Variants in SARS1 observed in about 807,000 individuals in gnomAD.
SARS1 encodes the protein seryl-tRNA synthetase 1.
Under a neutral mutation model 63.7 loss-of-function variants are expected in SARS1, and 25 were observed. The ratio of observed to expected loss-of-function variants is 0.39; its 90% confidence interval spans 0.29 to 0.55. The LOEUF is 0.55. SARS1 is among the 20% of genes least tolerant of loss of function. SARS1 has a pLI of 0.62. For missense variants in SARS1, 417 were observed against 649.7 expected (o/e 0.64, Z 3.89); for synonymous variants, 231 against 243.5 (o/e 0.95, Z 0.48).
Position 109,237,499 on chromosome 1 carries a change from C to G in SARS1, c.1387+126C>G. 6.9e-7 allele frequency: 1 copy of G among 1,442,162 alleles called. No homozygotes were observed. Among genetic ancestry groups the G allele is most frequent in the Non-Finnish European group, 9.5e-7 (1 of 1,049,612 alleles). The allele number at this position is 1,442,162 out of a possible 1,614,324, so 89.3% of individuals were successfully genotyped here. On this transcript the variant is annotated intron_variant, in intron 10 of 10. Coordinates refer to ENST00000234677, the MANE Select transcript of SARS1 (RefSeq NM_006513.4). This position sits in a 1 kb window ranked among gnomAD's most constrained non-coding sequence, Gnocchi z 4.1. ...CACAGCCCCTGAAACTCTGTCTGCC[C>G]TCTCGGGCTGGGCAGGGCAGGGGGC...
At chr1:109,236,359 CCTT>C (rs779541277) in intron 8 of SARS1, 29 bp from the exon 9 acceptor site, 127 of 1,571,912 alleles carry the variant, frequency 8.1e-5, no homozygotes, top group Non-Finnish European at 1.0e-4. Flanking sequence ...TACCATCCCT[CCTT>C]CATGAATTCT....
At chr1:109,226,697 TACACACACACAC>T (rs369144830) in intron 2 of SARS1, among the ~76,000 whole-genome samples, 2 of 104,150 alleles carry the variant, frequency 1.9e-5, no homozygotes, top group African/African-American at 7.6e-5. Flanking sequence ...TATATATATA[TACACACACACAC>T]ACACACACAC....
chr1:109,230,943 G>A lies in SARS1; in HGVS notation c.513G>A (p.Val171=), dbSNP rs759600716. 6.3e-7 allele frequency: 1 copy of A among 1,590,854 alleles called. No homozygotes were observed. The highest frequency in any genetic ancestry group is 8.6e-7 in the Non-Finnish European group (1 of 1,168,646). The change falls in exon 5 of 11, where the codon GTG becomes GTA. Residue 171 remains valine, a synonymous_variant. Transcript: ENST00000234677. ...DCTVRKKYSH[V]DLVVMVDGFE... The stretch of plus-strand genomic sequence containing the variant: ...CAGTCAGGAAGAAGTACTCTCATGT[G>A]GACCTGGTGGTGATGGTAGATGGCT...
chr1:109,232,125 C>A (rs775132601), intron 6 of SARS1, among the ~76,000 whole-genome samples: 3 of 152,120 alleles, frequency 2.0e-5, no homozygotes, highest in Non-Finnish European at 4.4e-5. Flanking sequence ...GGTGCTTGGA[C>A]AAAAGGAAAT....
rs1570765448 is a variant in SARS1 at position 109,237,537 on chromosome 1, G to A, written c.1387+164G>A. Among the ~76,000 whole-genome samples, 1 of 152,228 alleles carries A rather than the reference G, an allele frequency of 6.6e-6. No homozygotes were observed. Among genetic ancestry groups the A allele is most frequent in the Non-Finnish European group, 1.5e-5 (1 of 68,048 alleles). ...CAGGGCAGGGGGCCTGGTTGAGAAA[G>A]TAGCCAGTGCAGGTATGATGTTGAA... On this transcript the variant is annotated intron_variant, in intron 10 of 10. Transcript: ENST00000234677. The surrounding 1 kb of genome is among the most constrained non-coding windows in gnomAD (Gnocchi z 4.1).
rs1451669373 is a variant in SARS1, at chr1:109,236,516, C to T, written c.1225C>T (p.Arg409Ter). Residue 409 changes from arginine to a stop codon, truncating the protein, a stop_gained, in exon 9 of 11, where the codon CGA becomes TGA. Coordinates refer to ENST00000234677, the MANE Select transcript of SARS1 (RefSeq NM_006513.4). LOFTEE classifies it high-confidence loss of function. ...TTACCAGGCTCGCCGGCTTCGAATCCGATATGGGCAAACCAAGAAGATGAT... is the reference window on the plus strand; with the variant it reads ...TTACCAGGCTCGCCGGCTTCGAATCTGATATGGGCAAACCAAGAAGATGAT... ...TDYQARRLRI[R>*]YGQTKKMMDK... 3.1e-6 allele frequency: 5 copies of T among 1,605,730 alleles called. No homozygotes were observed. Among genetic ancestry groups the T allele is most frequent in the East Asian group, 2.2e-5 (1 of 44,574 alleles).
At position 109,236,175 on chromosome 1, in the gene SARS1, T is replaced by C. The variant is rs1253519299; in HGVS notation, c.1099+69T>C. 11 of 1,538,566 alleles carry C rather than the reference T, an allele frequency of 7.1e-6. No individual in the cohort carries two copies. In the East Asian group the frequency reaches 2.0e-4, roughly 28 times the overall value. On this transcript the variant is annotated intron_variant, in intron 8 of 10. Transcript: ENST00000234677. ...CAGACGCCACCCTTACCAGCTGAGC[T>C]GCCACACAGAGAAACAGCTCACAAT... is the stretch of plus-strand genomic sequence containing the variant.
rs777650858 is a variant in SARS1, at chr1:109,219,280, T to TATATATATATATATATATAC, written c.137-4689_137-4688insTATATATATACATATATATA. 2.8e-4 allele frequency among the ~76,000 whole-genome samples: 17 copies of TATATATATATATATATATAC among 61,128 alleles called. 1 individual carries two copies. The East Asian group carries it at 0.017, about 60-fold the overall frequency. The allele number at this position is 61,128 out of a possible 152,430, so 40.1% of individuals were successfully genotyped here. A position where few individuals can be genotyped will look rare whatever the true frequency, so the allele number is the denominator to read the frequency against. ...GACTCTCCATATATATATATATATATATATATATAGTGTACATATACAGTA... is the reference window on the plus strand; with the variant it reads ...GACTCTCCATATATATATATATATATATATATATATATATATATACATATATATAGTGTACATATACAGTA... On this transcript the variant is annotated intron_variant, in intron 1 of 10. Coordinates refer to ENST00000234677, the MANE Select transcript of SARS1 (RefSeq NM_006513.4).
intron 9 of SARS1, chr1:109,236,966 T>A: frequency 6.8e-7 from 1 of 1,465,400 alleles, no homozygotes; most frequent in Non-Finnish European, 9.0e-7. Context: ...AAGGCCACAA[T>A]AGTAGTTTCT....
At chr1:109,234,910 G>A (rs1655278610) in intron 6 of SARS1, among the ~76,000 whole-genome samples, 1 of 152,200 alleles carries the variant, frequency 6.6e-6, no homozygotes, top group African/African-American at 2.4e-5. Flanking sequence ...AGGTTGCAGT[G>A]AGCCGAGATT....
At chr1:109,215,583 A>T in intron 1 of SARS1, 1 of 984,996 alleles carries the variant, frequency 1.0e-6, no homozygotes, top group Non-Finnish European at 1.2e-6. Context: ...AAGGTTTGTT[A>T]GAGGCGTGAA....
At chr1:109,225,396 G>A (rs989914780) in intron 2 of SARS1, among the ~76,000 whole-genome samples, 8 of 152,042 alleles carry the variant, frequency 5.3e-5, no homozygotes, top group African/African-American at 1.5e-4. Flanking sequence ...TTAGTCATTC[G>A]CATACTAGAG....
chr1:109,214,761 G>C lies in SARS1; in HGVS notation c.136+633G>C, dbSNP rs941858634. On this transcript the variant is annotated intron_variant, in intron 1 of 10. Coordinates refer to ENST00000234677, the MANE Select transcript of SARS1 (RefSeq NM_006513.4). This position sits in a 1 kb window ranked among gnomAD's most constrained non-coding sequence, Gnocchi z 4.6. ...TCAAACGCGAGGGGAGTGAGGAGGC[G>C]AGCAAAAGATTGTAATGACTGAAGC... 8.1e-6 allele frequency: 8 copies of C among 985,334 alleles called. No individual in the cohort carries two copies. The allele number at this position is 985,334 out of a possible 1,614,324, so 61.0% of individuals were successfully genotyped here.
chr1:109,218,193 C>CA (rs35069915), intron 1 of SARS1, among the ~76,000 whole-genome samples: 213 of 39,652 alleles, frequency 5.4e-3, no homozygotes, highest in African/African-American at 0.017. Context: ...ACTCTGTCTC[C>CA]AAAAAAAAAA....
Position 109,213,978 on chromosome 1 carries a change from C to T in SARS1, c.-15C>T, listed in dbSNP as rs1465266536. The T allele has an allele frequency of 1.9e-6, 3 of 1,604,498 alleles. No homozygotes were observed. Among genetic ancestry groups the T allele is most frequent in the South Asian group, 1.1e-5 (1 of 90,320 alleles). On this transcript the variant is annotated 5_prime_UTR_variant, in exon 1 of 11. Transcript: ENST00000234677. ...GATCCTTGCTTCCCTGAGCGTTGGCCCGGGAGGAAAGAAGATGGTGCTGGA... is the reference window on the plus strand; with the variant it reads ...GATCCTTGCTTCCCTGAGCGTTGGCTCGGGAGGAAAGAAGATGGTGCTGGA...
intron 4 of SARS1, among the ~76,000 whole-genome samples, chr1:109,230,037 A>G (rs1655174986): frequency 6.6e-6 from 1 of 152,050 alleles, no homozygotes; most frequent in Non-Finnish European, 1.5e-5. Flanking sequence ...TGCCTCTTTC[A>G]TTCATTCCCT....
Position 109,237,049 on chromosome 1 carries a change from C to A in SARS1, c.1258-195C>A. The A allele has an allele frequency of 8.1e-7, 1 of 1,231,002 alleles. No homozygotes were observed. Among genetic ancestry groups the A allele is most frequent in the Non-Finnish European group, 1.1e-6 (1 of 905,236 alleles). 76.3% of individuals were successfully genotyped at this position (1,231,002 alleles called of 1,614,324 possible). The stretch of plus-strand genomic sequence containing the variant: ...TGTCACTCATCGAAACATGAGGGAT[C>A]TTTCTGCAGTTATCTAATAGGCAAT... On this transcript the variant is annotated intron_variant, in intron 9 of 10. Coordinates refer to ENST00000234677, the MANE Select transcript of SARS1 (RefSeq NM_006513.4). This position sits in a 1 kb window ranked among gnomAD's most constrained non-coding sequence, Gnocchi z 4.1.
At position 109,214,813 on chromosome 1, in the gene SARS1, T is replaced by A; in HGVS notation, c.136+685T>A. The A allele has an allele frequency of 1.0e-6, 1 of 985,488 alleles. No homozygotes were observed. The highest frequency in any genetic ancestry group is 1.2e-6 in the Non-Finnish European group (1 of 829,950). 61.0% of individuals were successfully genotyped at this position (985,488 alleles called of 1,614,324 possible). On this transcript the variant is annotated intron_variant, in intron 1 of 10. Coordinates refer to ENST00000234677, the MANE Select transcript of SARS1 (RefSeq NM_006513.4). This position sits in a 1 kb window ranked among gnomAD's most constrained non-coding sequence, Gnocchi z 4.6. ...GTTTAATTGTGATTTGTGGACGTTTTCCTTTAAAGACATTGGCAGAGTTGG... is the reference window on the plus strand; with the variant it reads ...GTTTAATTGTGATTTGTGGACGTTTACCTTTAAAGACATTGGCAGAGTTGG...
rs752559045 is a variant in SARS1 at position 109,235,322 on chromosome 1, C to T, written c.860C>T (p.Pro287Leu). Residue 287 changes from proline to leucine, a missense_variant, in exon 7 of 11, where the codon CCG (proline) becomes CTG (leucine). Physicochemically the swap from Pro to Leu is moderately conservative, Grantham distance 98. This residue lies in a region of SARS1 where 359 missense variants were observed against 529.6 expected (regional missense o/e 0.68). Coordinates refer to ENST00000234677, the MANE Select transcript of SARS1 (RefSeq NM_006513.4). The surrounding 1 kb of genome is among the most constrained non-coding windows in gnomAD (Gnocchi z 4.7). ...CTGCACCGGGATGAGTGGCTCCGGC[C>T]GGAGGACCTGCCCATCAAGTATGCT... ...AALHRDEWLR[P>L]EDLPIKYAGL... The T allele has an allele frequency of 1.9e-5, 31 of 1,613,954 alleles. No homozygotes were observed. Among genetic ancestry groups the T allele is most frequent in the South Asian group, 2.2e-5 (2 of 91,076 alleles).
Sources: gnomAD v4.1 joint callset for allele counts (sites outside exome capture counted in the v4.1 genomes callset) on GRCh38, gnomAD v4.1.1 for gene constraint, gnomAD v4.1.1 regional missense constraint, Gnocchi (gnomAD v3.1) non-coding constraint, MANE v1.5 for transcripts, NCBI Gene and HGNC (gene_info 2026-07-23, HGNC 2026-07-21) for gene names.